The following CDH13 variants were observed in gnomAD, a reference collection of about 807,000 sequenced individuals.
CDH13 encodes cadherin 13.
Under a neutral mutation model 63.8 loss-of-function variants are expected in CDH13, and 24 were observed. The ratio of observed to expected loss-of-function variants is 0.38; its 90% confidence interval spans 0.27 to 0.53. CDH13 has a LOEUF of 0.53. CDH13 is among the 20% of genes least tolerant of loss of function. The pLI is 0.85. For synonymous variants in CDH13, 503 were observed against 355.3 expected, an observed-to-expected ratio of 1.42 and a Z score of -4.67; for missense variants, 1,049 against 903.1, an observed-to-expected ratio of 1.16 and a Z score of -2.07.
chr16:83,321,207 A>G (rs1016194100), intron 5 of CDH13, among the ~76,000 whole-genome samples: 2 of 152,256 alleles, frequency 1.3e-5, no homozygotes, highest in South Asian at 2.1e-4. Flanking sequence ...ACAATTGTCT[A>G]TTATTAACGT....
At chr16:83,532,929 G>C (rs1338674009) in intron 7 of CDH13, among the ~76,000 whole-genome samples, 2 of 152,244 alleles carry the variant, frequency 1.3e-5, no homozygotes, top group Admixed American at 6.5e-5. Flanking sequence ...AGCGTGGCTT[G>C]TTAGTTCCCA....
intron 7 of CDH13, among the ~76,000 whole-genome samples, chr16:83,541,066 C>G (rs747008515): frequency 1.3e-5 from 2 of 152,102 alleles, no homozygotes; most frequent in Non-Finnish European, 2.9e-5. Context: ...CATGTTCACT[C>G]CCGCTCAATC....
At chr16:82,713,276 T>C (rs1564022) in intron 1 of CDH13, among the ~76,000 whole-genome samples, 40,094 of 151,994 alleles carry the variant, frequency 0.26, 5,706 homozygotes, top group East Asian at 0.39. Flanking sequence ...GATCTGCAAC[T>C]GGAACATGCT....
At chr16:82,901,269 C>T (rs2041457004) in intron 2 of CDH13, among the ~76,000 whole-genome samples, 1 of 150,804 alleles carries the variant, frequency 6.6e-6, no homozygotes, top group Non-Finnish European at 1.5e-5. Context: ...CCTTGCAGGC[C>T]TTCAAATATG....
At chr16:83,266,954 C>T (rs186917888) in intron 5 of CDH13, among the ~76,000 whole-genome samples, 1 of 152,162 alleles carries the variant, frequency 6.6e-6, no homozygotes, top group African/African-American at 2.4e-5. Flanking sequence ...TTTTTCTACT[C>T]ATGTTCTGAT....
intron 2 of CDH13, among the ~76,000 whole-genome samples, chr16:82,943,790 T>C (rs918156139): frequency 6.6e-6 from 1 of 152,262 alleles, no homozygotes; most frequent in Non-Finnish European, 1.5e-5. Flanking sequence ...AGTGTCTTGA[T>C]GCTTGAGGGA....
At chr16:83,388,857 C>A (rs529063164) in intron 6 of CDH13, among the ~76,000 whole-genome samples, 2 of 152,330 alleles carry the variant, frequency 1.3e-5, no homozygotes, top group African/African-American at 2.4e-5. Context: ...CAGCCCAGAC[C>A]TACTGAATCA....
At chr16:83,012,725 A>G (rs565871899) in intron 2 of CDH13, among the ~76,000 whole-genome samples, 1 of 152,190 alleles carries the variant, frequency 6.6e-6, no homozygotes, top group Non-Finnish European at 1.5e-5. Flanking sequence ...TGATACCGAA[A>G]TTATAGATAC....
chr16:83,125,206 A>G (rs539724108), intron 3 of CDH13, among the ~76,000 whole-genome samples, 179 bp from the exon 4 acceptor site: 99 of 152,350 alleles, frequency 6.5e-4, no homozygotes, highest in Non-Finnish European at 1.2e-3. Flanking sequence ...GTGAATAACA[A>G]TGTCAGCTTT....
At chr16:83,525,185 C>A (rs940756147) in intron 7 of CDH13, among the ~76,000 whole-genome samples, 2 of 152,124 alleles carry the variant, frequency 1.3e-5, no homozygotes, top group African/African-American at 2.4e-5. Flanking sequence ...TTTGAACCAA[C>A]CACGGGCCAG....
At chr16:83,056,269 C>T (rs368938336) in intron 3 of CDH13, among the ~76,000 whole-genome samples, 12 of 152,284 alleles carry the variant, frequency 7.9e-5, no homozygotes, top group Non-Finnish European at 1.8e-4. Context: ...TAAAGCTGAA[C>T]ATTCTTGACC....
At chr16:82,906,099 C>G (rs2151254321) in intron 2 of CDH13, among the ~76,000 whole-genome samples, 2 of 152,308 alleles carry the variant, frequency 1.3e-5, no homozygotes, top group Middle Eastern at 3.4e-3. Context: ...CCTACCTGTA[C>G]ATCTATCTCT....
At chr16:83,143,540 A>G (rs1158692701) in intron 4 of CDH13, among the ~76,000 whole-genome samples, 1 of 152,214 alleles carries the variant, frequency 6.6e-6, no homozygotes, top group Non-Finnish European at 1.5e-5. Flanking sequence ...CTACTTGGAT[A>G]GCAATATTTT....
chr16:83,391,210 CT>C (rs372320805), intron 6 of CDH13, among the ~76,000 whole-genome samples: 1,651 of 144,274 alleles, frequency 0.011, 8 homozygotes, highest in Non-Finnish European at 0.014. Context: ...TGCCTACACA[CT>C]TTTTTTTTTT....
At chr16:83,178,602 T>TG (rs2038222800) in intron 4 of CDH13, among the ~76,000 whole-genome samples, 4 of 152,222 alleles carry the variant, frequency 2.6e-5, no homozygotes, top group Admixed American at 2.6e-4. Context: ...TTTTTAAAAA[T>TG]GATCACTTTG....
intron 1 of CDH13, among the ~76,000 whole-genome samples, chr16:82,628,900 T>C (rs928721263): frequency 3.9e-5 from 6 of 152,198 alleles, no homozygotes; most frequent in Non-Finnish European, 8.8e-5. Flanking sequence ...AGTTCTCCAT[T>C]GTAAAATAAT....
rs552096264 is a variant in CDH13, at chr16:82,704,398, T to C, written c.45+77261T>C. On this transcript the variant is annotated intron_variant, in intron 1 of 13. Transcript: ENST00000567109. ...TTTTATGTAAGCATTACTTCAACAT[T>C]TTTGGTGGATGTTCTTCATTTATTC... is the stretch of plus-strand genomic sequence containing the variant. Among the ~76,000 whole-genome samples the C allele has an allele frequency of 2.6e-5, 4 of 152,332 alleles. No homozygotes were observed. The South Asian group carries it at 8.3e-4, about 32-fold the overall frequency.
At chr16:82,711,453 C>T (rs1338423516) in intron 1 of CDH13, among the ~76,000 whole-genome samples, 4 of 152,160 alleles carry the variant, frequency 2.6e-5, no homozygotes, top group Non-Finnish European at 4.4e-5. Context: ...GACTCTGGCC[C>T]TTCAAGCATA....
At chr16:83,092,133 G>T (rs1402232583) in intron 3 of CDH13, among the ~76,000 whole-genome samples, 1 of 152,184 alleles carries the variant, frequency 6.6e-6, no homozygotes, top group Non-Finnish European at 1.5e-5. Context: ...ATTATGGACT[G>T]TCAAAATTGA....
Sources: gnomAD v4.1 joint callset for allele counts (sites outside exome capture counted in the v4.1 genomes callset) on GRCh38, gnomAD v4.1.1 for gene constraint, MANE v1.5 for transcripts, NCBI Gene and HGNC (gene_info 2026-07-23, HGNC 2026-07-21) for gene names.